DLGAP1: variants seen among roughly 807,000 people sequenced by gnomAD.
DLGAP1 encodes disks large-associated protein 1.
A neutral mutation model predicts 90.8 loss-of-function variants in DLGAP1; 11 were observed. The observed-to-expected ratio is 0.12, with a 90% CI of 0.08 to 0.20. The LOEUF (loss-of-function observed/expected upper bound fraction) is 0.20. Among genes scored for constraint, DLGAP1 ranks in the 10% least tolerant of loss-of-function variants. The probability of loss-of-function intolerance (pLI) is 1.00; values close to 1 mark genes in which losing one functional copy is unlikely to be tolerated. For missense variants in DLGAP1, 1,050 were observed against 1,333.8 expected, an observed-to-expected ratio of 0.79 and a Z score of 3.31; for synonymous variants, 558 against 540.7, an observed-to-expected ratio of 1.03 and a Z score of -0.44.
chr18:4,328,357 A>G (rs1222203322), intron 1 of DLGAP1, among the ~76,000 whole-genome samples: 1 of 151,970 alleles, frequency 6.6e-6, no homozygotes, highest in African/African-American at 2.4e-5. Flanking sequence ...AAATGCATCC[A>G]TGTTGTTGTA....
chr18:3,750,026 G>A (rs2063435873), intron 5 of DLGAP1, among the ~76,000 whole-genome samples: 1 of 152,072 alleles, frequency 6.6e-6, no homozygotes, highest in African/African-American at 2.4e-5. Flanking sequence ...TGAATATATT[G>A]TGTGTGATAC....
intron 9 of DLGAP1, among the ~76,000 whole-genome samples, chr18:3,534,955 G>A (rs972093246): frequency 2.0e-5 from 3 of 152,068 alleles, no homozygotes; most frequent in Admixed American, 6.6e-5. Context: ...GCCTCCCAAA[G>A]TGCTGGGATT....
chr18:4,249,093 C>G (rs1045204687), intron 1 of DLGAP1, among the ~76,000 whole-genome samples: 1 of 152,220 alleles, frequency 6.6e-6, no homozygotes, highest in Non-Finnish European at 1.5e-5. Context: ...AGGCACTCCC[C>G]TCCCTTTCCC....
intron 2 of DLGAP1, among the ~76,000 whole-genome samples, chr18:4,082,898 C>T (rs2075632198): frequency 1.3e-5 from 2 of 152,036 alleles, no homozygotes; most frequent in African/African-American, 4.8e-5. Context: ...ACATGGACCC[C>T]AAGCTTGGTT....
At chr18:4,021,020 C>A (rs370478473) in intron 2 of DLGAP1, among the ~76,000 whole-genome samples, 1 of 152,234 alleles carries the variant, frequency 6.6e-6, no homozygotes. Flanking sequence ...AAACTCACTT[C>A]GGCGCCTTAC....
At chr18:4,017,235 C>T (rs1388543166) in intron 2 of DLGAP1, among the ~76,000 whole-genome samples, 2 of 152,152 alleles carry the variant, frequency 1.3e-5, no homozygotes, top group Non-Finnish European at 2.9e-5. Context: ...TTCTCTCTCC[C>T]TCAGGGTAGT....
intron 3 of DLGAP1, among the ~76,000 whole-genome samples, chr18:3,929,371 A>C (rs1257122365): frequency 2.0e-5 from 3 of 152,240 alleles, no homozygotes; most frequent in East Asian, 3.8e-4. Flanking sequence ...AGCAGATTCC[A>C]CAATTCTGAC....
At chr18:3,917,823 G>T (rs1392872479) in intron 3 of DLGAP1, among the ~76,000 whole-genome samples, 1 of 150,446 alleles carries the variant, frequency 6.6e-6, no homozygotes, top group African/African-American at 2.4e-5. Flanking sequence ...ATATGGGAGA[G>T]TCAGTACCTA....
chr18:4,180,162 C>T (rs2077182156), intron 1 of DLGAP1, among the ~76,000 whole-genome samples: 1 of 152,150 alleles, frequency 6.6e-6, no homozygotes, highest in Non-Finnish European at 1.5e-5. Context: ...ACGACTCTCT[C>T]CCTTTGTAGT....
intron 1 of DLGAP1, among the ~76,000 whole-genome samples, chr18:4,216,291 A>ACCC (rs11334039): frequency 6.2e-5 from 9 of 146,230 alleles, no homozygotes; most frequent in South Asian, 4.4e-4. Context: ...TGATTAAATT[A>ACCC]CCCCCCCCCC....
chr18:4,046,812 T>C lies in DLGAP1; in HGVS notation c.-158-41611A>G, dbSNP rs187206229. Among the ~76,000 whole-genome samples, 705 of 152,304 alleles carry C rather than the reference T, an allele frequency of 4.6e-3. 7 individuals are homozygous for C. Among genetic ancestry groups the C allele is most frequent in the Non-Finnish European group, 5.0e-3 (342 of 68,026 alleles). Reference sequence around the variant, plus strand: ...AAGTTTGAAGTGTCTGTAGAACATATATAGCTGGAGATAGATACATGGGTC... The same window carrying C: ...AAGTTTGAAGTGTCTGTAGAACATACATAGCTGGAGATAGATACATGGGTC... On this transcript the variant is annotated intron_variant, in intron 2 of 12. Coordinates refer to ENST00000315677, the MANE Select transcript of DLGAP1 (RefSeq NM_004746.4).
At chr18:3,643,768 G>A (rs191330914) in intron 7 of DLGAP1, among the ~76,000 whole-genome samples, 3 of 151,466 alleles carry the variant, frequency 2.0e-5, no homozygotes, top group Admixed American at 2.0e-4. Flanking sequence ...CATAATAAGA[G>A]TATTACAAAT....
rs761304701 is a variant in DLGAP1 at position 4,260,987 on chromosome 18, G to A, written c.-266-109700C>T. Among the ~76,000 whole-genome samples, 4 of 152,076 alleles carry A rather than the reference G, an allele frequency of 2.6e-5. No individual in the cohort carries two copies. In the East Asian group the frequency reaches 7.7e-4, roughly 29 times the overall value. On this transcript the variant is annotated intron_variant, in intron 1 of 12. Coordinates refer to ENST00000315677, the MANE Select transcript of DLGAP1 (RefSeq NM_004746.4). ...ACACAGCTTACCAAAAAGTGAACAC[G>A]AACAAGTTGTGTTAATGAAATGAGA...
intron 4 of DLGAP1, among the ~76,000 whole-genome samples, chr18:3,873,842 C>T (rs1311248797): frequency 6.6e-6 from 1 of 151,994 alleles, no homozygotes; most frequent in Non-Finnish European, 1.5e-5. Flanking sequence ...TGGAAAACAA[C>T]CGATCATATT....
At chr18:3,672,279 T>C (rs1216579942) in intron 7 of DLGAP1, among the ~76,000 whole-genome samples, 1 of 151,852 alleles carries the variant, frequency 6.6e-6, no homozygotes, top group Non-Finnish European at 1.5e-5. Flanking sequence ...CTTATCTATT[T>C]CTTGAAAGTT....
chr18:4,350,785 G>C (rs772714978), intron 1 of DLGAP1, among the ~76,000 whole-genome samples: 2 of 151,936 alleles, frequency 1.3e-5, no homozygotes, highest in Admixed American at 6.6e-5. Flanking sequence ...CCAGGTCCTC[G>C]GAATTTAACT....
intron 7 of DLGAP1, among the ~76,000 whole-genome samples, chr18:3,677,940 T>C (rs982718911): frequency 1.5e-5 from 2 of 136,406 alleles, no homozygotes; most frequent in African/African-American, 5.6e-5. Context: ...ATTACAGGCG[T>C]GAGCCACTGT....
intron 1 of DLGAP1, among the ~76,000 whole-genome samples, chr18:4,382,581 G>A (rs1389610930): frequency 6.6e-6 from 1 of 150,726 alleles, no homozygotes; most frequent in African/African-American, 2.4e-5. Context: ...GAACAAATCT[G>A]GAGGACAATC....
At chr18:3,680,634 A>G (rs967225463) in intron 7 of DLGAP1, among the ~76,000 whole-genome samples, 1 of 151,900 alleles carries the variant, frequency 6.6e-6, no homozygotes, top group African/African-American at 2.4e-5. Flanking sequence ...TAAAAATACA[A>G]AAAAATTAGC....
Sources: gnomAD v4.1 joint callset for allele counts (sites outside exome capture counted in the v4.1 genomes callset) on GRCh38, gnomAD v4.1.1 for gene constraint, MANE v1.5 for transcripts, NCBI Gene and HGNC (gene_info 2026-07-23, HGNC 2026-07-21) for gene names.